The following FEZF2 variants were observed in gnomAD, a reference collection of about 807,000 sequenced individuals.
FEZF2 encodes the protein FEZ family zinc finger 2, also known as fez family zinc finger protein 2.
In FEZF2, 2 loss-of-function variants were observed where a neutral mutation model predicts 32.8. That is an observed-to-expected ratio of 0.06 (90% CI 0.02 to 0.19). The LOEUF (loss-of-function observed/expected upper bound fraction) is 0.19, where lower values mean the gene tolerates loss of function less well. FEZF2 is among the 10% of genes least tolerant of loss of function. The pLI, the probability that FEZF2 is intolerant of heterozygous loss-of-function variation, is 1.00. For missense variants in FEZF2, 516 were observed against 625.4 expected, an observed-to-expected ratio of 0.83 and a Z score of 1.87; for synonymous variants, 322 against 284.8, an observed-to-expected ratio of 1.13 and a Z score of -1.32.
In FEZF2 at chr3:62,370,485, AGTT is replaced by A; in HGVS notation, c.1121-146_1121-144del. ...CGGGCGCGACCTCTTCGAGTGAAGA[AGTT>A]GTCAAACTTCGTAAGCGTCAAGCCG... On this transcript the variant is annotated intron_variant, in intron 4 of 4. Transcript: ENST00000283268. This position sits in a 1 kb window ranked among gnomAD's most constrained non-coding sequence, Gnocchi z 4.2. 1.2e-6 allele frequency: 1 copy of A among 824,030 alleles called. No individual in the cohort carries two copies. Among genetic ancestry groups the A allele is most frequent in the Non-Finnish European group, 1.9e-6 (1 of 519,780 alleles). 51.0% of individuals were successfully genotyped at this position (824,030 alleles called of 1,614,324 possible).
At position 62,371,341 on chromosome 3, in the gene FEZF2, T is replaced by C; in HGVS notation, c.996A>G (p.Pro332=). The change falls in exon 4 of 5, where the codon CCA becomes CCG. Residue 332 remains proline (P), a synonymous_variant. Coordinates refer to ENST00000283268, the MANE Select transcript of FEZF2 (RefSeq NM_018008.4). ...RHKIIHTQEK[P]HKCNQCGKAF... ...CTTTGCCGCACTGGTTGCATTTATG[T>C]GGCTTTTCCTGAGGAAAGGGGCGAG... 1 of 1,613,872 alleles carries C rather than the reference T, an allele frequency of 6.2e-7. No individual in the cohort carries two copies. Among genetic ancestry groups the C allele is most frequent in the Non-Finnish European group, 8.5e-7 (1 of 1,179,792 alleles).
rs1458908981 is a variant in FEZF2, at chr3:62,372,813, C to G, written c.56G>C (p.Gly19Ala). 5.8e-6 allele frequency: 9 copies of G among 1,539,354 alleles called. No homozygotes were observed. The highest frequency in any genetic ancestry group is 7.9e-6 in the Non-Finnish European group (9 of 1,138,362). ...TMVPPACPRAGASPATSKTLA... is the reference protein window; with the variant it reads ...TMVPPACPRAAASPATSKTLA... ...TGTCTTGGAAGTGGCCGGCGACGCT[C>G]CGGCGCGCGGGCAGGCCGGGGGCAC... Residue 19 changes from glycine (G) to alanine (A), a missense_variant, in exon 2 of 5, where the codon GGA (glycine) becomes GCA (alanine). Gly to Ala is a moderately conservative substitution (Grantham distance 60). Around this residue, in one of 3 missense-constraint regions of FEZF2, gnomAD observed 408 missense variants for 382.2 expected, o/e 1.07. Transcript: ENST00000283268. The surrounding 1 kb of genome is among the most constrained non-coding windows in gnomAD (Gnocchi z 9.6).
rs1704246067 is a variant in FEZF2, at chr3:62,369,941, T to C, written c.*142A>G. 9.1e-7 allele frequency: 1 copy of C among 1,095,620 alleles called. No homozygotes were observed. The highest frequency in any genetic ancestry group is 3.0e-5 in the Admixed American group (1 of 33,498). 67.9% of individuals were successfully genotyped at this position (1,095,620 alleles called of 1,614,324 possible). On this transcript the variant is annotated 3_prime_UTR_variant, in exon 5 of 5. Coordinates refer to ENST00000283268, the MANE Select transcript of FEZF2 (RefSeq NM_018008.4). The surrounding 1 kb of genome is among the most constrained non-coding windows in gnomAD (Gnocchi z 4.2). ...CCAGTCATCGAGGAAACATTTAGCT[T>C]TCCAAAAATATGCTGGTTTCGATAA...
Position 62,372,058 on chromosome 3 carries a change from C to T in FEZF2, c.811G>A (p.Asp271Asn), listed in dbSNP as rs1228851762. 5.0e-6 allele frequency: 8 copies of T among 1,609,282 alleles called. No homozygotes were observed. Among genetic ancestry groups the T allele is most frequent in the East Asian group, 2.2e-5 (1 of 44,766 alleles). ...GHSKLPGGSA[D>N]GKPKNFTCEV... The stretch of plus-strand genomic sequence containing the variant: ...CAGGTGAAGTTTTTGGGCTTGCCAT[C>T]TGCGGAGCCTCCTGGCAGCTTGCTG... Residue 271 changes from aspartate (D) to asparagine (N), a missense_variant, in exon 2 of 5, where the codon GAT becomes AAT. Around this residue, in one of 3 missense-constraint regions of FEZF2, gnomAD observed 408 missense variants for 382.2 expected, o/e 1.07. Coordinates refer to ENST00000283268, the MANE Select transcript of FEZF2 (RefSeq NM_018008.4). This position sits in a 1 kb window ranked among gnomAD's most constrained non-coding sequence, Gnocchi z 9.6.
chr3:62,369,889 A>T lies in FEZF2; in HGVS notation c.*194T>A. 1 of 618,410 alleles carries T rather than the reference A, an allele frequency of 1.6e-6. No homozygotes were observed. Among genetic ancestry groups the T allele is most frequent in the East Asian group, 2.9e-5 (1 of 34,832 alleles). The allele number at this position is 618,410 out of a possible 1,614,324, so 38.3% of individuals were successfully genotyped here. The stretch of plus-strand genomic sequence containing the variant: ...GGATTTAAATAAGTTTCCTGAATAT[A>T]CAAAGGTGGGGGCCACGAGTTTGCT... On this transcript the variant is annotated 3_prime_UTR_variant, in exon 5 of 5. Transcript: ENST00000283268. This position sits in a 1 kb window ranked among gnomAD's most constrained non-coding sequence, Gnocchi z 4.2.
In FEZF2 at chr3:62,370,052, A is replaced by C; in HGVS notation, c.*31T>G. On this transcript the variant is annotated 3_prime_UTR_variant, in exon 5 of 5. Coordinates refer to ENST00000283268, the MANE Select transcript of FEZF2 (RefSeq NM_018008.4). This position sits in a 1 kb window ranked among gnomAD's most constrained non-coding sequence, Gnocchi z 4.2. Reference sequence around the variant, plus strand: ...TGTGTGATCTGTTTTCAGGTGGTACAGGGAGGGAAGGAAGGGCAAGGCAGT... The same window carrying C: ...TGTGTGATCTGTTTTCAGGTGGTACCGGGAGGGAAGGAAGGGCAAGGCAGT... The C allele has an allele frequency of 2.5e-6, 4 of 1,609,466 alleles. No homozygotes were observed. The highest frequency in any genetic ancestry group is 2.6e-6 in the Non-Finnish European group (3 of 1,176,398).
Position 62,372,176 on chromosome 3 carries a change from G to A in FEZF2, c.693C>T (p.Pro231=), listed in dbSNP as rs778169385. ...LAADKFPHPA[P]YPHKERLPAP... ...CCGGCAAGCGCTCCTTATGGGGATAGGGAGCCGGGTGGGGGAACTTGTCCG... is the reference window on the plus strand; with the variant it reads ...CCGGCAAGCGCTCCTTATGGGGATAAGGAGCCGGGTGGGGGAACTTGTCCG... Residue 231 remains proline (P), a synonymous_variant, in exon 2 of 5, where the codon CCC becomes CCT. Transcript: ENST00000283268. This position sits in a 1 kb window ranked among gnomAD's most constrained non-coding sequence, Gnocchi z 9.6. 3 of 1,584,608 alleles carry A rather than the reference G, an allele frequency of 1.9e-6. No homozygotes were observed. Among genetic ancestry groups the A allele is most frequent in the African/African-American group, 2.7e-5 (2 of 74,434 alleles).
chr3:62,372,180 G>A lies in FEZF2; in HGVS notation c.689C>T (p.Ala230Val), dbSNP rs936616341. 4.4e-6 allele frequency: 7 copies of A among 1,581,448 alleles called. No individual in the cohort carries two copies. The highest frequency in any genetic ancestry group is 6.0e-6 in the Non-Finnish European group (7 of 1,163,634). The stretch of plus-strand genomic sequence containing the variant: ...CAAGCGCTCCTTATGGGGATAGGGA[G>A]CCGGGTGGGGGAACTTGTCCGCAGC... ...GLAADKFPHP[A>V]PYPHKERLPA... The change falls in exon 2 of 5, where the codon GCT becomes GTT. Residue 230 changes from alanine (A) to valine (V), a missense_variant. Transcript: ENST00000283268. This position sits in a 1 kb window ranked among gnomAD's most constrained non-coding sequence, Gnocchi z 9.6.
At chr3:62,371,693 T>A (rs758140324) in intron 2 of FEZF2, 26 bp from the exon 3 acceptor site, 3 of 1,593,500 alleles carry the variant, frequency 1.9e-6, no homozygotes, top group Non-Finnish European at 2.6e-6. Flanking sequence ...GGGGGCCTTG[T>A]GGTGCGTCTG....
rs1287395651 is a variant in FEZF2 at position 62,372,653 on chromosome 3, A to G, written c.216T>C (p.Cys72=). The change falls in exon 2 of 5, where the codon TGT becomes TGC. Residue 72 remains cysteine, a synonymous_variant. Transcript: ENST00000283268. The surrounding 1 kb of genome is among the most constrained non-coding windows in gnomAD (Gnocchi z 9.6). ...KLLNLCSPLP[C]MIPLQPLGYE... ...AGCCTAGGGGCTGGAGGGGGATCAT[A>G]CAGGGCAGCGGCGAGCAGAGGTTGA... 6.2e-7 allele frequency: 1 copy of G among 1,601,454 alleles called. No homozygotes were observed. Among genetic ancestry groups the G allele is most frequent in the East Asian group, 2.3e-5 (1 of 43,712 alleles).
rs928136158 is a variant in FEZF2, at chr3:62,370,936, C to A, written c.1120+281G>T. 1.3e-5 allele frequency among the ~76,000 whole-genome samples: 2 copies of A among 152,162 alleles called. No individual in the cohort carries two copies. The highest frequency in any genetic ancestry group is 2.9e-5 in the Non-Finnish European group (2 of 68,044). ...AGGAACCTTTTTCTATAGGGCAATA[C>A]CCTCTCCTTTTCCTACATCCTTTCC... On this transcript the variant is annotated intron_variant, in intron 4 of 4. Coordinates refer to ENST00000283268, the MANE Select transcript of FEZF2 (RefSeq NM_018008.4). The surrounding 1 kb of genome is among the most constrained non-coding windows in gnomAD (Gnocchi z 4.2).
chr3:62,372,072 G>A lies in FEZF2; in HGVS notation c.797C>T (p.Pro266Leu). The change falls in exon 2 of 5, where the codon CCA (proline) becomes CTA (leucine). Residue 266 changes from proline (P) to leucine (L), a missense_variant. By Grantham distance (98) the Pro-to-Leu change is moderately conservative. Coordinates refer to ENST00000283268, the MANE Select transcript of FEZF2 (RefSeq NM_018008.4). This position sits in a 1 kb window ranked among gnomAD's most constrained non-coding sequence, Gnocchi z 9.6. ...GGGCTTGCCATCTGCGGAGCCTCCT[G>A]GCAGCTTGCTGTGGCCCTTGACGCC... ...RGGVKGHSKLPGGSADGKPKN... is the reference protein window; with the variant it reads ...RGGVKGHSKLLGGSADGKPKN... 2 of 1,609,330 alleles carry A rather than the reference G, an allele frequency of 1.2e-6. No homozygotes were observed. The highest frequency in any genetic ancestry group is 1.7e-6 in the Non-Finnish European group (2 of 1,178,868).
At chr3:62,371,373 G>GT (rs778148110) in intron 3 of FEZF2, 24 bp from the exon 4 acceptor site, 1 of 1,608,488 alleles carries the variant, frequency 6.2e-7, no homozygotes. Flanking sequence ...CGAGTGCACA[G>GT]TAAGGAGAGG....
In FEZF2 at chr3:62,370,453, G is replaced by C; in HGVS notation, c.1121-111C>G. The C allele has an allele frequency of 2.6e-6, 3 of 1,151,666 alleles. No homozygotes were observed. The East Asian group carries it at 7.1e-5, about 27-fold the overall frequency. 71.3% of individuals were successfully genotyped at this position (1,151,666 alleles called of 1,614,324 possible). A position where few individuals can be genotyped will look rare whatever the true frequency, so the allele number is the denominator to read the frequency against. On this transcript the variant is annotated intron_variant, in intron 4 of 4. Coordinates refer to ENST00000283268, the MANE Select transcript of FEZF2 (RefSeq NM_018008.4). The surrounding 1 kb of genome is among the most constrained non-coding windows in gnomAD (Gnocchi z 4.2). ...TGCCTGCTCAAAAAAGGCGACGCTT[G>C]GCTAGGCGGGCGCGACCTCTTCGAG...
Position 62,372,970 on chromosome 3 carries a change from G to C in FEZF2, c.-58-44C>G. The C allele has an allele frequency of 8.6e-7, 1 of 1,158,326 alleles. No homozygotes were observed. Among genetic ancestry groups the C allele is most frequent in the Non-Finnish European group, 1.1e-6 (1 of 888,916 alleles). The allele number at this position is 1,158,326 out of a possible 1,614,324, so 71.8% of individuals were successfully genotyped here. On this transcript the variant is annotated intron_variant, in intron 1 of 4. Coordinates refer to ENST00000283268, the MANE Select transcript of FEZF2 (RefSeq NM_018008.4). This position sits in a 1 kb window ranked among gnomAD's most constrained non-coding sequence, Gnocchi z 9.6. The stretch of plus-strand genomic sequence containing the variant: ...AGGGGGGAAAACTGCAATTTAATAA[G>C]CACCTAGTCGGGCCCGGGTCACCCA...
chr3:62,372,450 C>A lies in FEZF2; in HGVS notation c.419G>T (p.Gly140Val). The change falls in exon 2 of 5, where the codon GGC becomes GTC. Residue 140 changes from glycine to valine, a missense_variant. Physicochemically the swap from Gly to Val is moderately radical, Grantham distance 109. This residue lies in a region of FEZF2 where 408 missense variants were observed against 382.2 expected (regional missense o/e 1.07). Transcript: ENST00000283268. This position sits in a 1 kb window ranked among gnomAD's most constrained non-coding sequence, Gnocchi z 9.6. Reference protein sequence around the residue: ...NCGVCCKAELGLAPSALPAGR... With the variant: ...NCGVCCKAELVLAPSALPAGR... Reference sequence around the variant, plus strand: ...CGCGGGCAGCGCGGACGGCGCCAGGCCCAGCTCGGCCTTGCAGCACACGCC... The same window carrying A: ...CGCGGGCAGCGCGGACGGCGCCAGGACCAGCTCGGCCTTGCAGCACACGCC... 6.2e-7 allele frequency: 1 copy of A among 1,605,266 alleles called. No homozygotes were observed. The highest frequency in any genetic ancestry group is 8.5e-7 in the Non-Finnish European group (1 of 1,177,438).
At position 62,370,483 on chromosome 3, in the gene FEZF2, G is replaced by T; in HGVS notation, c.1121-141C>A. The T allele has an allele frequency of 2.4e-6, 2 of 831,834 alleles. No homozygotes were observed. The highest frequency in any genetic ancestry group is 3.4e-5 in the South Asian group (2 of 59,436). 51.5% of individuals were successfully genotyped at this position (831,834 alleles called of 1,614,324 possible). A position where few individuals can be genotyped will look rare whatever the true frequency, so the allele number is the denominator to read the frequency against. ...GGCGGGCGCGACCTCTTCGAGTGAA[G>T]AAGTTGTCAAACTTCGTAAGCGTCA... On this transcript the variant is annotated intron_variant, in intron 4 of 4. Transcript: ENST00000283268. This position sits in a 1 kb window ranked among gnomAD's most constrained non-coding sequence, Gnocchi z 4.2.
chr3:62,372,178 G>C lies in FEZF2; in HGVS notation c.691C>G (p.Pro231Ala), dbSNP rs771458270. The C allele has an allele frequency of 4.4e-6, 7 of 1,583,530 alleles. No individual in the cohort carries two copies. The African/African-American group carries it at 9.4e-5, about 21-fold the overall frequency. ...LAADKFPHPA[P>A]YPHKERLPAP... The stretch of plus-strand genomic sequence containing the variant: ...GGCAAGCGCTCCTTATGGGGATAGG[G>C]AGCCGGGTGGGGGAACTTGTCCGCA... Residue 231 changes from proline to alanine, a missense_variant, in exon 2 of 5, where the codon CCC (proline) becomes GCC (alanine). Physicochemically the swap from Pro to Ala is conservative, Grantham distance 27. Around this residue, in one of 3 missense-constraint regions of FEZF2, gnomAD observed 408 missense variants for 382.2 expected, o/e 1.07. Coordinates refer to ENST00000283268, the MANE Select transcript of FEZF2 (RefSeq NM_018008.4). The surrounding 1 kb of genome is among the most constrained non-coding windows in gnomAD (Gnocchi z 9.6).
Position 62,372,516 on chromosome 3 carries a change from G to A in FEZF2, c.353C>T (p.Ala118Val). Residue 118 changes from alanine to valine, a missense_variant, in exon 2 of 5, where the codon GCC (alanine) becomes GTC (valine). Around this residue, in one of 3 missense-constraint regions of FEZF2, gnomAD observed 408 missense variants for 382.2 expected, o/e 1.07. Transcript: ENST00000283268. The surrounding 1 kb of genome is among the most constrained non-coding windows in gnomAD (Gnocchi z 9.6). ...CAAGCCGCTGGCGCCGCACACTGGG[G>A]CCCCCCCGCCGCCGCCGCCGCCACC... Reference protein sequence around the residue: ...GGGGGGGGGGAPVCGASGLCK... With the variant: ...GGGGGGGGGGVPVCGASGLCK... 1 of 1,307,710 alleles carries A rather than the reference G, an allele frequency of 7.6e-7. No homozygotes were observed. 81.0% of individuals were successfully genotyped at this position (1,307,710 alleles called of 1,614,324 possible).
Sources: allele counts gnomAD v4.1 joint callset (sites outside exome capture counted in the v4.1 genomes callset), GRCh38; gene constraint gnomAD v4.1.1; regional missense constraint gnomAD v4.1.1; non-coding constraint Gnocchi (gnomAD v3.1); transcripts MANE v1.5; gene names NCBI Gene and HGNC (gene_info 2026-07-23, HGNC 2026-07-21).